Variants in DLG2 observed in about 807,000 individuals in gnomAD.
DLG2 encodes disks large homolog 2.
In DLG2, 45 loss-of-function variants were observed where a neutral mutation model predicts 132.5. The observed-to-expected ratio is 0.34, with a 90% CI of 0.27 to 0.44. The LOEUF (loss-of-function observed/expected upper bound fraction) is 0.44, where lower values mean the gene tolerates loss of function less well. Ranked by LOEUF, DLG2 falls within the 20% of genes least tolerant of loss-of-function variation. The pLI is 1.00. For missense variants in DLG2, 1,045 were observed against 1,196.9 expected, an observed-to-expected ratio of 0.87 and a Z score of 1.87; for synonymous variants, 424 against 419.6, an observed-to-expected ratio of 1.01 and a Z score of -0.13.
chr11:84,324,200 C>A (rs897961900), intron 7 of DLG2, among the ~76,000 whole-genome samples: 4 of 151,934 alleles, frequency 2.6e-5, no homozygotes, highest in African/African-American at 7.2e-5. Flanking sequence ...TAGGTCTTAT[C>A]TTCAGGTCTT....
At chr11:83,645,154 A>G (rs1289219664) in intron 18 of DLG2, among the ~76,000 whole-genome samples, 1 of 152,134 alleles carries the variant, frequency 6.6e-6, no homozygotes, top group Non-Finnish European at 1.5e-5. Context: ...CCCATGAGAA[A>G]GAGTGGAAGT....
At chr11:83,482,610 C>CTGA (rs1217186468) in intron 22 of DLG2, among the ~76,000 whole-genome samples, 1 of 152,000 alleles carries the variant, frequency 6.6e-6, no homozygotes, top group East Asian at 1.9e-4. Flanking sequence ...TAATAAATCA[C>CTGA]TGATAGGCAT....
chr11:84,425,757 A>C (rs1353995380), intron 7 of DLG2, among the ~76,000 whole-genome samples: 1 of 152,168 alleles, frequency 6.6e-6, no homozygotes, highest in East Asian at 1.9e-4. Flanking sequence ...AACAGAAAAG[A>C]GAAAGTGGTT....
chr11:84,636,110 A>C (rs888910758), intron 6 of DLG2, among the ~76,000 whole-genome samples: 2 of 152,190 alleles, frequency 1.3e-5, no homozygotes, highest in African/African-American at 4.8e-5. Flanking sequence ...TCCCTTTGCT[A>C]ATCTGGACAA....
At chr11:83,521,439 G>T (rs1592396194) in intron 21 of DLG2, among the ~76,000 whole-genome samples, 1 of 152,026 alleles carries the variant, frequency 6.6e-6, no homozygotes. Flanking sequence ...AGTTTAATTT[G>T]GTGGTTATTC....
intron 3 of DLG2, among the ~76,000 whole-genome samples, chr11:85,439,226 T>G (rs555827029): frequency 6.6e-6 from 1 of 152,188 alleles, no homozygotes; most frequent in Non-Finnish European, 1.5e-5. Flanking sequence ...CCACAGCGGC[T>G]GTGCTATTTT....
At chr11:85,491,368 A>T (rs1215454727) in intron 3 of DLG2, among the ~76,000 whole-genome samples, 2 of 152,170 alleles carry the variant, frequency 1.3e-5, no homozygotes, top group African/African-American at 4.8e-5. Flanking sequence ...CAAGACAAGG[A>T]TGACCACTTT....
chr11:83,893,685 A>G (rs868430520), intron 15 of DLG2, among the ~76,000 whole-genome samples: 1 of 152,138 alleles, frequency 6.6e-6, no homozygotes, highest in African/African-American at 2.4e-5. Flanking sequence ...TTATTTTCCA[A>G]TTGAGAGTAT....
chr11:85,467,112 G>T (rs1355297348), intron 3 of DLG2, among the ~76,000 whole-genome samples: 1 of 152,148 alleles, frequency 6.6e-6, no homozygotes, highest in Non-Finnish European at 1.5e-5. Flanking sequence ...CTCTCTGTTT[G>T]TCTGTTATGG....
intron 7 of DLG2, among the ~76,000 whole-genome samples, chr11:84,424,693 T>C (rs1023763036): frequency 3.9e-5 from 6 of 152,112 alleles, no homozygotes; most frequent in African/African-American, 1.4e-4. Context: ...AATAGAAGTA[T>C]TAAAAATAAG....
chr11:83,755,842 T>C (rs2093623269), intron 18 of DLG2, among the ~76,000 whole-genome samples: 1 of 151,376 alleles, frequency 6.6e-6, no homozygotes, highest in Non-Finnish European at 1.5e-5. Flanking sequence ...AATTTGGCTT[T>C]AGGTGGTTGG....
chr11:84,211,230 T>C (rs2096750133), intron 8 of DLG2, among the ~76,000 whole-genome samples: 1 of 152,182 alleles, frequency 6.6e-6, no homozygotes, highest in South Asian at 2.1e-4. Flanking sequence ...GTACTTTCTG[T>C]ATTGCTGTAT....
chr11:83,480,347 AC>A (rs1277884714), intron 22 of DLG2: 3 of 1,532,018 alleles, frequency 2.0e-6, no homozygotes, highest in Non-Finnish European at 2.6e-6. Flanking sequence ...AAAGAAAATA[AC>A]CGCAAACCAA....
chr11:85,609,190 C>T (rs777352504), intron 2 of DLG2, among the ~76,000 whole-genome samples: 14 of 152,154 alleles, frequency 9.2e-5, no homozygotes, highest in East Asian at 1.9e-4. Flanking sequence ...CAAGTGGCTA[C>T]GGGAGGCCTT....
intron 6 of DLG2, among the ~76,000 whole-genome samples, chr11:84,748,612 C>T (rs2065698065): frequency 1.3e-5 from 2 of 152,082 alleles, no homozygotes. Flanking sequence ...TATGTCCTTC[C>T]AAAAGCGACC....
intron 3 of DLG2, among the ~76,000 whole-genome samples, chr11:85,596,260 G>A (rs953605244): frequency 5.9e-5 from 9 of 152,000 alleles, no homozygotes; most frequent in Admixed American, 4.6e-4. Context: ...GTGGCAGCAC[G>A]CACCTGTAAT....
intron 19 of DLG2, among the ~76,000 whole-genome samples, chr11:83,611,916 G>T (rs929507708): frequency 1.3e-5 from 2 of 152,128 alleles, no homozygotes; most frequent in African/African-American, 2.4e-5. Flanking sequence ...CTTTTGAAGG[G>T]GGGGCAACTG....
At chr11:84,149,557 T>C (rs1025877736) in intron 9 of DLG2, among the ~76,000 whole-genome samples, 4 of 152,122 alleles carry the variant, frequency 2.6e-5, no homozygotes, top group Admixed American at 2.6e-4. Flanking sequence ...GGGTTCTCTA[T>C]GCTGTTTCAT....
chr11:85,332,965 AC>A (rs1279816571), intron 3 of DLG2, among the ~76,000 whole-genome samples: 1 of 152,190 alleles, frequency 6.6e-6, no homozygotes. Flanking sequence ...ATTTTTGAAT[AC>A]CTTTTTCTAA....
Sources: allele counts gnomAD v4.1 joint callset (sites outside exome capture counted in the v4.1 genomes callset), GRCh38; gene constraint gnomAD v4.1.1; transcripts MANE v1.5; gene names NCBI Gene and HGNC (gene_info 2026-07-23, HGNC 2026-07-21).